UTRN: variants seen among roughly 807,000 people sequenced by gnomAD.
UTRN encodes the protein dystrophin-related protein 1.
A neutral mutation model predicts 463.9 loss-of-function variants in UTRN; 283 were observed. The ratio of observed to expected loss-of-function variants is 0.61; its 90% CI spans 0.55 to 0.67. UTRN has a LOEUF of 0.67. Among genes scored for constraint, UTRN ranks in the 30% least tolerant of loss-of-function variants. The pLI, the probability that UTRN is intolerant of heterozygous loss-of-function variation, is 0.00. For missense variants in UTRN, 3,922 were observed against 4,084.3 expected (o/e 0.96, Z 1.08); for synonymous variants, 1,442 against 1,431.5 (o/e 1.01, Z -0.17).
intron 41 of UTRN, among the ~76,000 whole-genome samples, chr6:144,524,542 A>T (rs907307846): frequency 2.0e-5 from 3 of 151,944 alleles, no homozygotes; most frequent in Admixed American, 2.0e-4. Context: ...TCAATTTTGT[A>T]TCCTGAAACT....
At chr6:144,763,620 A>G (rs1792954401) in intron 58 of UTRN, among the ~76,000 whole-genome samples, 1 of 152,232 alleles carries the variant, frequency 6.6e-6, no homozygotes, top group Non-Finnish European at 1.5e-5. Flanking sequence ...CAGCTTAGGC[A>G]ATACAGAAGA....
intron 25 of UTRN, among the ~76,000 whole-genome samples, chr6:144,475,151 T>A (rs1163314870): frequency 6.6e-6 from 1 of 152,192 alleles, no homozygotes; most frequent in Non-Finnish European, 1.5e-5. Context: ...CTTAAGGAGC[T>A]TACATTCTAG....
chr6:144,520,531 T>C (rs1285610286), intron 39 of UTRN, among the ~76,000 whole-genome samples: 1 of 152,216 alleles, frequency 6.6e-6, no homozygotes, highest in African/African-American at 2.4e-5. Context: ...TGTAATTAGT[T>C]CTGTTGTTAA....
chr6:144,429,615 A>G lies in UTRN; in HGVS notation c.729A>G (p.Ile243Met), dbSNP rs143027873. The G allele has an allele frequency of 5.6e-6, 9 of 1,608,902 alleles. No homozygotes were observed. Among genetic ancestry groups the G allele is most frequent in the African/African-American group, 4.0e-5 (3 of 74,588 alleles). Residue 243 changes from isoleucine to methionine, a missense_variant, in exon 9 of 75, where the codon ATA (isoleucine) becomes ATG (methionine). Coordinates refer to ENST00000367545, the MANE Select transcript of UTRN (RefSeq NM_007124.3). Reference sequence around the variant, plus strand: ...TTCAGCTTCCTGACAAGAAATCCATAATTATGTATTTAACATCTTTGTTTG... The same window carrying G: ...TTCAGCTTCCTGACAAGAAATCCATGATTATGTATTTAACATCTTTGTTTG... Reference protein sequence around the residue: ...VAVQLPDKKSIIMYLTSLFEV... With the variant: ...VAVQLPDKKSMIMYLTSLFEV...
intron 37 of UTRN, among the ~76,000 whole-genome samples, chr6:144,515,144 A>T (rs1795504554): frequency 1.3e-5 from 2 of 152,130 alleles, no homozygotes; most frequent in Non-Finnish European, 2.9e-5. Context: ...ACCTCAAGTG[A>T]TCTGCCCGCC....
At chr6:144,717,634 C>CTTTTTTTTTTTTTTT (rs869170852) in intron 53 of UTRN, among the ~76,000 whole-genome samples, 1 of 70,094 alleles carries the variant, frequency 1.4e-5, no homozygotes. Flanking sequence ...TTTCTTTTTT[C>CTTTTTTTTTTTTTTT]TTTTTTTTTT....
At chr6:144,781,820 T>A (rs1775855236) in intron 60 of UTRN, 102 bp from the exon 61 acceptor site, 1 of 802,158 alleles carries the variant, frequency 1.2e-6, no homozygotes, top group Non-Finnish European at 1.9e-6. Flanking sequence ...AATTGAAGAA[T>A]CAAGCTAAAT....
chr6:144,732,318 T>G (rs1418264254), intron 54 of UTRN, among the ~76,000 whole-genome samples: 1 of 145,620 alleles, frequency 6.9e-6, no homozygotes, highest in Non-Finnish European at 1.5e-5. Context: ...ATATAAAAAA[T>G]GTATACACAC....
chr6:144,366,511 C>T (rs1779520370), intron 2 of UTRN, among the ~76,000 whole-genome samples: 2 of 152,170 alleles, frequency 1.3e-5, no homozygotes, highest in South Asian at 2.1e-4. Context: ...TTTGATTTTT[C>T]GTTCCTGTGT....
At chr6:144,824,572 T>TTTTATA (rs1459899083) in intron 66 of UTRN, among the ~76,000 whole-genome samples, 1 of 37,920 alleles carries the variant, frequency 2.6e-5, no homozygotes, top group Non-Finnish European at 4.8e-5. Context: ...AGCATTTTAT[T>TTTTATA]TATATATATA....
intron 69 of UTRN, among the ~76,000 whole-genome samples, chr6:144,834,264 G>A (rs1162665428): frequency 6.6e-6 from 1 of 152,076 alleles, no homozygotes; most frequent in African/African-American, 2.4e-5. Context: ...CAAAGTATAT[G>A]ACCTTTATTT....
chr6:144,297,796 A>G (rs367944768), intron 2 of UTRN, among the ~76,000 whole-genome samples: 3 of 152,310 alleles, frequency 2.0e-5, no homozygotes, highest in African/African-American at 7.2e-5. Context: ...GTTTTTTTGT[A>G]TTAATGTGAT....
chr6:144,614,864 TAAA>T (rs1805910490), intron 51 of UTRN, among the ~76,000 whole-genome samples: 1 of 152,140 alleles, frequency 6.6e-6, no homozygotes, highest in South Asian at 2.1e-4. Flanking sequence ...ACATGATAAT[TAAA>T]GAAGTTTAGA....
chr6:144,537,397 CTAT>C (rs1411609705), intron 43 of UTRN, among the ~76,000 whole-genome samples, 182 bp from the exon 44 acceptor site: 9 of 151,670 alleles, frequency 5.9e-5, no homozygotes, highest in Admixed American at 5.9e-4. Flanking sequence ...GCTTCTTGGT[CTAT>C]TATTAAGCAA....
At chr6:144,451,722 G>T (rs940241680) in intron 18 of UTRN, among the ~76,000 whole-genome samples, 2 of 151,470 alleles carry the variant, frequency 1.3e-5, no homozygotes, top group East Asian at 1.9e-4. Flanking sequence ...TCACTGAGAT[G>T]TACAGTGAGG....
At chr6:144,848,822 T>C (rs1299128204) in intron 74 of UTRN, among the ~76,000 whole-genome samples, 2 of 152,128 alleles carry the variant, frequency 1.3e-5, no homozygotes, top group Non-Finnish European at 2.9e-5. Context: ...CTTTGAGCCA[T>C]TTTTTACTTC....
intron 51 of UTRN, among the ~76,000 whole-genome samples, chr6:144,649,664 A>G (rs1585777925): frequency 6.6e-6 from 1 of 152,200 alleles, no homozygotes; most frequent in East Asian, 1.9e-4. Context: ...CTTAAAGGGA[A>G]CTTCTTTTTT....
chr6:144,325,998 T>C (rs188764766), intron 2 of UTRN, among the ~76,000 whole-genome samples: 6 of 151,766 alleles, frequency 4.0e-5, no homozygotes, highest in African/African-American at 1.2e-4. Flanking sequence ...AAAAGTCTTA[T>C]AGATAATGTC....
intron 58 of UTRN, among the ~76,000 whole-genome samples, chr6:144,764,053 AGTCT>A (rs1792997866): frequency 6.6e-6 from 1 of 152,158 alleles, no homozygotes; most frequent in Admixed American, 6.6e-5. Flanking sequence ...TGTACTGGAG[AGTCT>A]GTCTTTCTAG....
Sources: gnomAD v4.1 joint callset for allele counts (sites outside exome capture counted in the v4.1 genomes callset) on GRCh38, gnomAD v4.1.1 for gene constraint, MANE v1.5 for transcripts, NCBI Gene and HGNC (gene_info 2026-07-23, HGNC 2026-07-21) for gene names.